Variants in NUP133 observed in about 807,000 individuals in gnomAD.
NUP133 encodes nuclear pore complex protein Nup133.
A neutral mutation model predicts 146.2 loss-of-function variants in NUP133; 66 were observed. That is an observed-to-expected ratio of 0.45 (90% CI 0.37 to 0.55). The LOEUF (loss-of-function observed/expected upper bound fraction) is 0.55. Ranked by LOEUF, NUP133 falls within the 20% of genes least tolerant of loss-of-function variation. The pLI is 0.00. For synonymous variants in NUP133, 521 were observed against 498.8 expected (o/e 1.04, Z -0.59); for missense variants, 1,277 against 1,374.8 (o/e 0.93, Z 1.12).
chr1:229,470,903 GC>G, intron 14 of NUP133, 99 bp from the exon 15 acceptor site: 2 of 997,372 alleles, frequency 2.0e-6, no homozygotes, highest in Non-Finnish European at 3.0e-6. Flanking sequence ...GCAGTCACTG[GC>G]CCCAGCTTTC....
rs893466421 is a variant in NUP133, at chr1:229,505,823, G to A, written c.301+217C>T. Reference sequence around the variant, plus strand: ...AACTCGCTTGAACCTGGGAGGTGGTGGTTGCAGTGAGCTGAGATCACACCA... The same window carrying A: ...AACTCGCTTGAACCTGGGAGGTGGTAGTTGCAGTGAGCTGAGATCACACCA... On this transcript the variant is annotated intron_variant, in intron 2 of 25. Transcript: ENST00000261396. Among the ~76,000 whole-genome samples, 25 of 152,106 alleles carry A rather than the reference G, an allele frequency of 1.6e-4. 1 individual carries two copies. The highest frequency in any genetic ancestry group is 4.6e-4 in the Admixed American group (7 of 15,262).
intron 1 of NUP133, among the ~76,000 whole-genome samples, chr1:229,506,515 T>C (rs953348234): frequency 6.8e-6 from 1 of 146,532 alleles, no homozygotes; most frequent in African/African-American, 2.5e-5. Context: ...AAAGACAGAA[T>C]ATAAAACATC....
At chr1:229,500,624 T>C (rs1661772554) in intron 4 of NUP133, 132 bp downstream of exon 4, 4 of 568,716 alleles carry the variant, frequency 7.0e-6, no homozygotes, top group Non-Finnish European at 1.2e-5. Flanking sequence ...TGTAGCTCTC[T>C]TTGCCAATAC....
At chr1:229,496,168 G>A (rs1270392764) in intron 6 of NUP133, 121 bp from the exon 7 acceptor site, 1 of 819,878 alleles carries the variant, frequency 1.2e-6, no homozygotes, top group Non-Finnish European at 1.8e-6. Flanking sequence ...CTTCATTTGG[G>A]ATTTAAAGAA....
In NUP133 at chr1:229,470,601, A is replaced by C; in HGVS notation, c.2055T>G (p.Pro685=). The change falls in exon 15 of 26, where the codon CCT becomes CCG. Residue 685 remains proline, a synonymous_variant. Coordinates refer to ENST00000261396, the MANE Select transcript of NUP133 (RefSeq NM_018230.3). ...REYEIPSNLT[P]ADVFFREVSQ... Reference sequence around the variant, plus strand: ...TTACCTCCCTGAAAAAGACATCTGCAGGAGTCAGGTTGGATGGGATTTCAT... The same window carrying C: ...TTACCTCCCTGAAAAAGACATCTGCCGGAGTCAGGTTGGATGGGATTTCAT... 1 of 1,614,156 alleles carries C rather than the reference A, an allele frequency of 6.2e-7. No homozygotes were observed. Among genetic ancestry groups the C allele is most frequent in the Non-Finnish European group, 8.5e-7 (1 of 1,179,962 alleles).
Position 229,470,810 on chromosome 1 carries a change from A to G in NUP133, c.1852-6T>C, listed in dbSNP as rs1214741355. ...AGACGTCCAAATAAGCCAACCTTGC[A>G]AAAAGGCAAACACATATTCTCAGAA... On this transcript the variant is annotated splice_region_variant and splice_polypyrimidine_tract_variant and intron_variant, in intron 14 of 25. Coordinates refer to ENST00000261396, the MANE Select transcript of NUP133 (RefSeq NM_018230.3). 4 of 1,612,200 alleles carry G rather than the reference A, an allele frequency of 2.5e-6. No homozygotes were observed. The highest frequency in any genetic ancestry group is 3.4e-6 in the Non-Finnish European group (4 of 1,179,016).
chr1:229,489,570 G>A (rs903432741), intron 9 of NUP133, among the ~76,000 whole-genome samples: 17 of 152,166 alleles, frequency 1.1e-4, no homozygotes, highest in East Asian at 7.7e-4. Context: ...AATCTGTCAC[G>A]AAATTTGACC....
intron 2 of NUP133, among the ~76,000 whole-genome samples, chr1:229,504,342 T>C (rs1247461075): frequency 6.6e-6 from 1 of 152,162 alleles, no homozygotes; most frequent in African/African-American, 2.4e-5. Flanking sequence ...ATTTGAAAAA[T>C]ACTGTTCCAG....
Position 229,464,618 on chromosome 1 carries a change from A to G in NUP133, c.2551+6T>C. 1 of 1,613,184 alleles carries G rather than the reference A, an allele frequency of 6.2e-7. No homozygotes were observed. The highest frequency in any genetic ancestry group is 8.5e-7 in the Non-Finnish European group (1 of 1,179,204). On this transcript the variant is annotated splice_donor_region_variant and intron_variant, in intron 18 of 25. Coordinates refer to ENST00000261396, the MANE Select transcript of NUP133 (RefSeq NM_018230.3). ...TTAAAACTCTTGCCAAGTATCATGA[A>G]CTTACGAAGAGGAGATAAGAGATCT...
Position 229,454,486 on chromosome 1 carries a change from G to T in NUP133, c.2981-1843C>A, listed in dbSNP as rs1327615935. Among the ~76,000 whole-genome samples the T allele has an allele frequency of 3.3e-5, 5 of 152,278 alleles. No individual in the cohort carries two copies. In the East Asian group the frequency reaches 5.8e-4, roughly 18 times the overall value. ...AAACAGTACCAGTGGCTATCTCCGG[G>T]GAGGTAGGACTACAGACAACTTATT... On this transcript the variant is annotated intron_variant, in intron 21 of 25. Coordinates refer to ENST00000261396, the MANE Select transcript of NUP133 (RefSeq NM_018230.3).
chr1:229,458,121 C>A (rs1392492003), intron 21 of NUP133, 40 bp downstream of exon 21: 12 of 1,593,422 alleles, frequency 7.5e-6, no homozygotes, highest in African/African-American at 1.3e-5. Flanking sequence ...TAATTGATGG[C>A]ATGACCAATT....
intron 20 of NUP133, among the ~76,000 whole-genome samples, chr1:229,458,855 A>G (rs1660627745): frequency 6.6e-6 from 1 of 152,006 alleles, no homozygotes. Context: ...GATTACAGGC[A>G]TGAGCCACAG....
chr1:229,506,786 T>C (rs1341714905), intron 1 of NUP133, among the ~76,000 whole-genome samples: 1 of 145,178 alleles, frequency 6.9e-6, no homozygotes, highest in African/African-American at 2.6e-5. Flanking sequence ...CACCAGCCTG[T>C]AGCCTGGGCG....
intron 18 of NUP133, 23 bp from the exon 19 acceptor site, chr1:229,463,699 G>GA (rs1298013421): frequency 3.8e-6 from 6 of 1,567,292 alleles, no homozygotes; most frequent in Non-Finnish European, 5.2e-6. Flanking sequence ...GAAAAGATGG[G>GA]AAAAAATCCT....
chr1:229,466,736 G>A lies in NUP133; in HGVS notation c.2097C>T (p.Ile699=). 6.2e-7 allele frequency: 1 copy of A among 1,613,980 alleles called. No individual in the cohort carries two copies. Among genetic ancestry groups the A allele is most frequent in the Non-Finnish European group, 8.5e-7 (1 of 1,179,932 alleles). ...FFREVSQVDT[I]CECLLEHEEQ... The stretch of plus-strand genomic sequence containing the variant: ...CCTCATGCTCCAGTAAGCACTCACA[G>A]ATGGTATCTACTTGGGATACCTGAG... The change falls in exon 16 of 26, where the codon ATC becomes ATT. Residue 699 remains isoleucine (I), a synonymous_variant. Transcript: ENST00000261396.
intron 24 of NUP133, chr1:229,448,918 T>C (rs1660375781): frequency 1.8e-6 from 1 of 554,144 alleles, no homozygotes; most frequent in African/African-American, 2.0e-5. Context: ...GCCCTCAACC[T>C]GTGGTTGTAG....
chr1:229,460,889 T>C, intron 19 of NUP133, 120 bp from the exon 20 acceptor site: 2 of 756,242 alleles, frequency 2.6e-6, no homozygotes, highest in South Asian at 3.9e-5. Context: ...AACAATAATT[T>C]CCTATATTGT....
intron 12 of NUP133, among the ~76,000 whole-genome samples, chr1:229,479,624 AG>A (rs1213183866): frequency 2.0e-5 from 3 of 152,120 alleles, no homozygotes; most frequent in African/African-American, 7.2e-5. Flanking sequence ...TCACTGGAGC[AG>A]GGGGTAAGGA....
intron 19 of NUP133, among the ~76,000 whole-genome samples, chr1:229,461,559 G>A (rs1157070471): frequency 6.6e-6 from 1 of 151,954 alleles, no homozygotes; most frequent in East Asian, 1.9e-4. Flanking sequence ...AATCCACGAG[G>A]GGACAAATAA....
Sources: allele counts gnomAD v4.1 joint callset (sites outside exome capture counted in the v4.1 genomes callset), GRCh38; gene constraint gnomAD v4.1.1; transcripts MANE v1.5; gene names NCBI Gene and HGNC (gene_info 2026-07-23, HGNC 2026-07-21).